Variants in EPHA6 observed in about 807,000 individuals in gnomAD.
EPHA6 encodes ephrin type-A receptor 6.
EPHA6 carries 50 observed loss-of-function variants against 112.0 expected under a neutral mutation model. The ratio of observed to expected loss-of-function variants is 0.45; its 90% confidence interval spans 0.36 to 0.56. EPHA6 has a LOEUF of 0.56. EPHA6 is among the 20% of genes least tolerant of loss of function. The pLI is 0.00. For synonymous variants in EPHA6, 529 were observed against 490.7 expected, an observed-to-expected ratio of 1.08 and a Z score of -1.03; for missense variants, 1,280 against 1,417.4, an observed-to-expected ratio of 0.90 and a Z score of 1.56.
At chr3:97,356,582 T>A (rs1000757937) in intron 5 of EPHA6, among the ~76,000 whole-genome samples, 2 of 152,234 alleles carry the variant, frequency 1.3e-5, no homozygotes, top group African/African-American at 4.8e-5. Flanking sequence ...GTGTGGTGTT[T>A]AATTTCTATA....
At chr3:97,640,841 CA>C (rs970926299) in intron 14 of EPHA6, among the ~76,000 whole-genome samples, 10 of 151,596 alleles carry the variant, frequency 6.6e-5, no homozygotes, top group Admixed American at 4.6e-4. Context: ...GTTTGAAGGA[CA>C]GGAGGACTAG....
At chr3:97,573,213 G>A (rs1409490707) in intron 11 of EPHA6, among the ~76,000 whole-genome samples, 1 of 152,158 alleles carries the variant, frequency 6.6e-6, no homozygotes, top group East Asian at 1.9e-4. Context: ...ATTATTTAAA[G>A]TATGGTGTTA....
intron 5 of EPHA6, among the ~76,000 whole-genome samples, chr3:97,261,936 G>A (rs1255035406): frequency 1.3e-5 from 2 of 152,110 alleles, no homozygotes; most frequent in African/African-American, 2.4e-5. Context: ...TGGGTCCAAA[G>A]AGTGAGCTCT....
intron 11 of EPHA6, among the ~76,000 whole-genome samples, chr3:97,569,272 A>C (rs1019506811): frequency 3.3e-5 from 5 of 152,248 alleles, no homozygotes; most frequent in African/African-American, 4.8e-5. Context: ...CATATAGCAC[A>C]TAAGTGTTCA....
At chr3:97,176,183 G>A (rs2076830352) in intron 3 of EPHA6, among the ~76,000 whole-genome samples, 1 of 151,730 alleles carries the variant, frequency 6.6e-6, no homozygotes, top group South Asian at 2.1e-4. Context: ...TCATTCTGCT[G>A]ATATGATGTG....
intron 5 of EPHA6, among the ~76,000 whole-genome samples, chr3:97,324,459 T>TTCTTTC (rs2082304437): frequency 2.0e-5 from 3 of 148,264 alleles, no homozygotes; most frequent in East Asian, 3.9e-4. Flanking sequence ...CTTTCTTTCT[T>TTCTTTC]TCTTTCTTTC....
At chr3:97,039,833 A>G (rs1383629885) in intron 3 of EPHA6, among the ~76,000 whole-genome samples, 1 of 152,020 alleles carries the variant, frequency 6.6e-6, no homozygotes, top group East Asian at 1.9e-4. Context: ...AAGTCCTTGT[A>G]ATATAATTGG....
At chr3:96,971,127 GCC>G (rs2107783608) in intron 2 of EPHA6, among the ~76,000 whole-genome samples, 1 of 151,966 alleles carries the variant, frequency 6.6e-6, no homozygotes, top group South Asian at 2.1e-4. Context: ...GCCATTTAAG[GCC>G]TTTTGGACAT....
At chr3:96,947,037 T>C (rs2041302162) in intron 2 of EPHA6, among the ~76,000 whole-genome samples, 1 of 152,044 alleles carries the variant, frequency 6.6e-6, no homozygotes, top group Admixed American at 6.5e-5. Context: ...TTTGTTTTTT[T>C]TTTTGTAGAT....
chr3:97,220,122 A>G (rs1326831866), intron 3 of EPHA6, among the ~76,000 whole-genome samples: 1 of 152,188 alleles, frequency 6.6e-6, no homozygotes, highest in Non-Finnish European at 1.5e-5. Context: ...TCTCCATCTG[A>G]GCCCACCTCA....
intron 1 of EPHA6, among the ~76,000 whole-genome samples, chr3:96,841,610 T>A (rs1287472465): frequency 6.6e-6 from 1 of 152,078 alleles, no homozygotes; most frequent in African/African-American, 2.4e-5. Context: ...AGCAGTCAGA[T>A]TGGTGGCTCC....
At chr3:97,662,841 A>G (rs2094178666) in intron 14 of EPHA6, among the ~76,000 whole-genome samples, 1 of 152,164 alleles carries the variant, frequency 6.6e-6, no homozygotes, top group Admixed American at 6.5e-5. Flanking sequence ...GGGGCTTTTC[A>G]TATCTCTTTA....
chr3:97,016,522 A>T (rs2044272064), intron 3 of EPHA6, among the ~76,000 whole-genome samples: 1 of 152,254 alleles, frequency 6.6e-6, no homozygotes, highest in South Asian at 2.1e-4. Context: ...ATTCAGTTAA[A>T]ATCAAGAGAC....
At chr3:97,241,765 T>G (rs539327084) in intron 4 of EPHA6, among the ~76,000 whole-genome samples, 56 of 150,524 alleles carry the variant, frequency 3.7e-4, no homozygotes, top group East Asian at 7.8e-4. Flanking sequence ...GTTTTTTTTT[T>G]TTTTTGTTTT....
chr3:96,876,795 T>C (rs2036983442), intron 2 of EPHA6, among the ~76,000 whole-genome samples: 1 of 152,112 alleles, frequency 6.6e-6, no homozygotes, highest in South Asian at 2.1e-4. Context: ...ACCCCCACTT[T>C]CTCTATCTCA....
intron 3 of EPHA6, among the ~76,000 whole-genome samples, chr3:97,183,256 T>C (rs2077038887): frequency 2.6e-5 from 4 of 152,008 alleles, no homozygotes; most frequent in Non-Finnish European, 5.9e-5. Context: ...ATATCATCAC[T>C]CTCCCTGACT....
At chr3:97,722,252 A>T (rs1415147714) in intron 15 of EPHA6, among the ~76,000 whole-genome samples, 2 of 152,208 alleles carry the variant, frequency 1.3e-5, no homozygotes, top group Admixed American at 1.3e-4. Flanking sequence ...TTTGCAGATT[A>T]TATACAAGTA....
intron 7 of EPHA6, among the ~76,000 whole-genome samples, chr3:97,455,180 G>T (rs2090642082): frequency 6.6e-6 from 1 of 151,926 alleles, no homozygotes; most frequent in Non-Finnish European, 1.5e-5. Flanking sequence ...AGAAATCCCT[G>T]CTTTATTTAG....
chr3:97,530,043 T>G (rs1174592746), intron 10 of EPHA6, among the ~76,000 whole-genome samples: 1 of 152,040 alleles, frequency 6.6e-6, no homozygotes. Context: ...TTTAAAATAT[T>G]ACTGGATTTT....
Sources: allele counts gnomAD v4.1 joint callset (sites outside exome capture counted in the v4.1 genomes callset), GRCh38; gene constraint gnomAD v4.1.1; transcripts MANE v1.5; gene names NCBI Gene and HGNC (gene_info 2026-07-23, HGNC 2026-07-21).